The following TPD52L1 variants were observed in gnomAD, a reference collection of about 807,000 sequenced individuals.
TPD52L1 encodes the protein tumor protein D53.
TPD52L1 carries 18 observed loss-of-function variants against 28.7 expected under a neutral mutation model. The observed-to-expected ratio is 0.63, with a 90% CI of 0.43 to 0.93. The LOEUF (loss-of-function observed/expected upper bound fraction) is 0.93. Ranked by LOEUF, TPD52L1 falls within the 40% of genes least tolerant of loss-of-function variation. The pLI, the probability that TPD52L1 is intolerant of heterozygous loss-of-function variation, is 0.00. For missense variants in TPD52L1, 203 were observed against 254.8 expected (o/e 0.80, Z 1.39); for synonymous variants, 75 against 88.8 (o/e 0.84, Z 0.88).
chr6:125,256,459 T>C (rs1344488246), intron 5 of TPD52L1, among the ~76,000 whole-genome samples: 1 of 152,262 alleles, frequency 6.6e-6, no homozygotes, highest in Admixed American at 6.5e-5. Context: ...CCATTTTGAT[T>C]GGGCATTAGG....
chr6:125,163,201 A>C (rs1790635012), intron 1 of TPD52L1, among the ~76,000 whole-genome samples: 1 of 152,218 alleles, frequency 6.6e-6, no homozygotes, highest in South Asian at 2.1e-4. Context: ...TTGAGTGCTA[A>C]TGTGCTAATT....
chr6:125,240,062 G>C (rs1283074812), intron 3 of TPD52L1, among the ~76,000 whole-genome samples: 1 of 152,128 alleles, frequency 6.6e-6, no homozygotes, highest in African/African-American at 2.4e-5. Context: ...AATTATCCCA[G>C]TGCCATTTGT....
chr6:125,214,507 G>C lies in TPD52L1; in HGVS notation c.20-5571G>C, dbSNP rs552120655. ...AGGGGTATCTAAGGGGAACTGCTTG[G>C]GCTGGATGTCCTGGGCTTGGCTTTT... On this transcript the variant is annotated intron_variant, in intron 1 of 6. Coordinates refer to ENST00000534000, the MANE Select transcript of TPD52L1 (RefSeq NM_003287.4). The C allele has an allele frequency of 3.1e-6, 3 of 955,216 alleles. No homozygotes were observed. In the East Asian group the frequency reaches 3.5e-4, roughly 111 times the overall value. 59.2% of individuals were successfully genotyped at this position (955,216 alleles called of 1,614,324 possible).
At position 125,153,941 on chromosome 6, in the gene TPD52L1, A is replaced by G; in HGVS notation, c.-11A>G. 6.2e-7 allele frequency: 1 copy of G among 1,606,182 alleles called. No homozygotes were observed. Among genetic ancestry groups the G allele is most frequent in the South Asian group, 1.1e-5 (1 of 89,598 alleles). ...GGTGTCCCCGCCGCCCTCAGCTCGA[A>G]GTCAGCCACCATGGAGGCGCAGGCA... On this transcript the variant is annotated 5_prime_UTR_variant, in exon 1 of 7. Coordinates refer to ENST00000534000, the MANE Select transcript of TPD52L1 (RefSeq NM_003287.4).
chr6:125,186,225 T>G (rs1792617886), intron 1 of TPD52L1, among the ~76,000 whole-genome samples: 1 of 152,166 alleles, frequency 6.6e-6, no homozygotes, highest in Non-Finnish European at 1.5e-5. Flanking sequence ...ATCTGCAAAC[T>G]TTCTCCGTAA....
intron 2 of TPD52L1, among the ~76,000 whole-genome samples, chr6:125,221,344 T>A (rs771742172): frequency 1.3e-5 from 2 of 152,232 alleles, no homozygotes; most frequent in Non-Finnish European, 2.9e-5. Context: ...GATAATGGAC[T>A]GACTCCACAT....
At chr6:125,244,199 C>T (rs937453393) in intron 3 of TPD52L1, among the ~76,000 whole-genome samples, 4 of 152,024 alleles carry the variant, frequency 2.6e-5, no homozygotes, top group African/African-American at 4.8e-5. Flanking sequence ...TCTCTTGAAG[C>T]TTATCTTGTT....
chr6:125,256,735 T>G (rs920485332), intron 5 of TPD52L1, among the ~76,000 whole-genome samples: 1 of 152,040 alleles, frequency 6.6e-6, no homozygotes, highest in African/African-American at 2.4e-5. Context: ...GGAAGAGGAG[T>G]GTTGTGATAG....
chr6:125,229,402 G>A (rs1469788163), intron 3 of TPD52L1, 136 bp downstream of exon 3: 3 of 832,476 alleles, frequency 3.6e-6, no homozygotes, highest in East Asian at 6.0e-5. Flanking sequence ...TAAAAGCAAA[G>A]CAAAGAAATG....
intron 1 of TPD52L1, among the ~76,000 whole-genome samples, chr6:125,212,948 C>T (rs1263798175): frequency 6.6e-6 from 1 of 152,096 alleles, no homozygotes; most frequent in Non-Finnish European, 1.5e-5. Context: ...CGGAGAAGTG[C>T]AATTACTAGA....
intron 3 of TPD52L1, among the ~76,000 whole-genome samples, chr6:125,247,641 A>G (rs1055685090): frequency 6.6e-6 from 1 of 152,198 alleles, no homozygotes; most frequent in African/African-American, 2.4e-5. Flanking sequence ...GACCAGGGAC[A>G]CAAAGATGAA....
chr6:125,257,194 T>C (rs1797658434), intron 6 of TPD52L1, 36 bp downstream of exon 6: 7 of 1,582,328 alleles, frequency 4.4e-6, no homozygotes, highest in Admixed American at 3.4e-5. Context: ...AGTGGGTCCA[T>C]TGACTCAGGA....
At chr6:125,218,469 G>T (rs2114956466) in intron 1 of TPD52L1, among the ~76,000 whole-genome samples, 1 of 152,250 alleles carries the variant, frequency 6.6e-6, no homozygotes, top group Non-Finnish European at 1.5e-5. Context: ...TTTAAAGTGG[G>T]TCTGTAGGAA....
chr6:125,211,291 C>G (rs1324002737), intron 1 of TPD52L1, among the ~76,000 whole-genome samples: 2 of 150,552 alleles, frequency 1.3e-5, no homozygotes, highest in African/African-American at 4.9e-5. Context: ...ATCTATCTAT[C>G]TATCTATCTA....
intron 3 of TPD52L1, among the ~76,000 whole-genome samples, chr6:125,246,846 T>A (rs1438505535): frequency 6.6e-6 from 1 of 151,792 alleles, no homozygotes; most frequent in East Asian, 2.0e-4. Context: ...TTCTGCTTGG[T>A]CTTTTCATTT....
chr6:125,230,183 C>CT (rs376076158), intron 3 of TPD52L1, among the ~76,000 whole-genome samples: 3 of 152,246 alleles, frequency 2.0e-5, no homozygotes, highest in East Asian at 3.9e-4. Context: ...TACAATCACA[C>CT]TTTTTTTATT....
intron 6 of TPD52L1, 73 bp downstream of exon 6, chr6:125,257,231 T>G (rs1366483147): frequency 2.1e-5 from 28 of 1,360,662 alleles, no homozygotes; most frequent in Non-Finnish European, 2.7e-5. Context: ...GCGGTTAGTT[T>G]AAAGTCGAGG....
Position 125,263,315 on chromosome 6 carries a change from A to G in TPD52L1, c.*353A>G, listed in dbSNP as rs182540455. 132 of 237,314 alleles carry G rather than the reference A, an allele frequency of 5.6e-4. 1 individual carries two copies. The Admixed American group carries it at 6.7e-3, about 12-fold the overall frequency. 14.7% of individuals were successfully genotyped at this position (237,314 alleles called of 1,614,324 possible). ...TTGCTTGGCCTCCTTTATGATGTGC[A>G]TGTCCTTGAAGGCTGAATGAACAGT... On this transcript the variant is annotated 3_prime_UTR_variant, in exon 7 of 7. Coordinates refer to ENST00000534000, the MANE Select transcript of TPD52L1 (RefSeq NM_003287.4).
rs761445539 is a variant in TPD52L1 at position 125,257,102 on chromosome 6, TCTCCTACTTTCAAATCATTTG to T, written c.431_451del (p.Ser144_Glu151delinsTer). 1.9e-6 allele frequency: 3 copies of T among 1,611,032 alleles called. No individual in the cohort carries two copies. In the African/African-American group the frequency reaches 4.0e-5, roughly 22 times the overall value. On this transcript the variant is annotated stop_gained and inframe_deletion, in exon 6 of 7. Transcript: ENST00000534000. LOFTEE classifies it high-confidence loss of function. ...TCTCTCTTTTTGTTATTTTAGGAATTCTCCTACTTTCAAATCATTTGAGGAGAGGGTTGAGACAACTGTCAC... is the reference window on the plus strand; with the variant it reads ...TCTCTCTTTTTGTTATTTTAGGAATTAGGAGAGGGTTGAGACAACTGTCAC...
Sources: allele counts gnomAD v4.1 joint callset (sites outside exome capture counted in the v4.1 genomes callset), GRCh38; gene constraint gnomAD v4.1.1; transcripts MANE v1.5; gene names NCBI Gene and HGNC (gene_info 2026-07-23, HGNC 2026-07-21).